The following FRS2 variants were observed in gnomAD, a reference collection of about 807,000 sequenced individuals.
FRS2 encodes FGFR signalling adaptor.
FRS2 carries 8 observed loss-of-function variants against 43.9 expected under a neutral mutation model. That is an observed-to-expected ratio of 0.18 (90% CI 0.11 to 0.33). The LOEUF (loss-of-function observed/expected upper bound fraction) is 0.33, where lower values mean the gene tolerates loss of function less well. FRS2 is among the 10% of genes least tolerant of loss of function. The pLI is 1.00. For missense variants in FRS2, 534 were observed against 627.6 expected, an observed-to-expected ratio of 0.85 and a Z score of 1.59; for synonymous variants, 219 against 220.3, an observed-to-expected ratio of 0.99 and a Z score of 0.05.
chr12:69,480,255 T>G (rs76562878), intron 1 of FRS2: 108 of 152,340 alleles, frequency 7.1e-4, no homozygotes, highest in African/African-American at 2.5e-3. Flanking sequence ...GAACCAAAAC[T>G]TGTACCCATT....
chr12:69,552,105 A>C (rs1878926518), intron 3 of FRS2, among the ~76,000 whole-genome samples: 1 of 151,956 alleles, frequency 6.6e-6, no homozygotes, highest in African/African-American at 2.4e-5. Context: ...CAGGAGTTCG[A>C]GACCAGCCTC....
intron 1 of FRS2, among the ~76,000 whole-genome samples, chr12:69,524,828 A>G (rs1876040112): frequency 6.6e-6 from 1 of 152,146 alleles, no homozygotes; most frequent in Admixed American, 6.5e-5. Flanking sequence ...ATGGTGGCAG[A>G]GGGGTCTCTT....
intron 1 of FRS2, among the ~76,000 whole-genome samples, chr12:69,503,090 G>A (rs902382513): frequency 3.3e-5 from 5 of 152,122 alleles, no homozygotes; most frequent in African/African-American, 1.2e-4. Context: ...TATAGGCTCT[G>A]GCAAAGAATC....
At chr12:69,470,819 C>T (rs1247688996) in intron 1 of FRS2, among the ~76,000 whole-genome samples, 1 of 152,098 alleles carries the variant, frequency 6.6e-6, no homozygotes, top group Non-Finnish European at 1.5e-5. Flanking sequence ...CGTCCGACCC[C>T]CCTCATGTGT....
Position 69,575,633 on chromosome 12 carries a change from T to C in FRS2, c.*678T>C, listed in dbSNP as rs1881143520. The C allele has an allele frequency of 6.6e-6, 1 of 152,614 alleles. No individual in the cohort carries two copies. Among genetic ancestry groups the C allele is most frequent in the Non-Finnish European group, 1.5e-5 (1 of 68,042 alleles). The allele number at this position is 152,614 out of a possible 1,614,324, so 9.5% of individuals were successfully genotyped here. A position where few individuals can be genotyped will look rare whatever the true frequency, so the allele number is the denominator to read the frequency against. On this transcript the variant is annotated 3_prime_UTR_variant, in exon 9 of 9. Coordinates refer to ENST00000549921, the MANE Select transcript of FRS2 (RefSeq NM_001278356.2). Reference sequence around the variant, plus strand: ...CTCATGATGTCATTTGAAGGGCATGTCCAGATATCTTAAAATTATAATAGG... The same window carrying C: ...CTCATGATGTCATTTGAAGGGCATGCCCAGATATCTTAAAATTATAATAGG...
chr12:69,517,834 C>T (rs1480360492), intron 1 of FRS2, among the ~76,000 whole-genome samples: 4 of 152,096 alleles, frequency 2.6e-5, no homozygotes, highest in Non-Finnish European at 5.9e-5. Context: ...TTTCCTTGCT[C>T]ATAAGCTACT....
chr12:69,471,281 C>A (rs917305082), intron 1 of FRS2, among the ~76,000 whole-genome samples: 2 of 151,526 alleles, frequency 1.3e-5, no homozygotes, highest in Admixed American at 1.3e-4. Flanking sequence ...AAAAAAGATG[C>A]TTTTCTCTAA....
At chr12:69,556,008 C>CG (rs10666921) in intron 3 of FRS2, among the ~76,000 whole-genome samples, 11,656 of 122,730 alleles carry the variant, frequency 0.095, 864 homozygotes, top group Non-Finnish European at 0.14. Flanking sequence ...GTGTGTGTGG[C>CG]GGGGGGGGGG....
In FRS2 at chr12:69,579,069, G is replaced by T. The variant is rs990479416; in HGVS notation, c.*4114G>T. ...ATTAAAATAAAACCTTGTTGTATATGTAACAACATAATTTTCCCTCTATCC... is the reference window on the plus strand; with the variant it reads ...ATTAAAATAAAACCTTGTTGTATATTTAACAACATAATTTTCCCTCTATCC... On this transcript the variant is annotated 3_prime_UTR_variant, in exon 9 of 9. Transcript: ENST00000549921. 1 of 152,554 alleles carries T rather than the reference G, an allele frequency of 6.6e-6. No individual in the cohort carries two copies. The highest frequency in any genetic ancestry group is 1.9e-4 in the East Asian group (1 of 5,194). 9.5% of individuals were successfully genotyped at this position (152,554 alleles called of 1,614,324 possible).
rs576010544 is a variant in FRS2, at chr12:69,570,294, G to A, written c.67-37G>A. ...AACAATGCATTTTCCTGACGAATTGGTGACATATTTGCATGACTGTCACCT... is the reference window on the plus strand; with the variant it reads ...AACAATGCATTTTCCTGACGAATTGATGACATATTTGCATGACTGTCACCT... On this transcript the variant is annotated intron_variant, in intron 5 of 8. Transcript: ENST00000549921. 8 of 1,462,306 alleles carry A rather than the reference G, an allele frequency of 5.5e-6. No individual in the cohort carries two copies. The South Asian group carries it at 5.7e-5, about 10-fold the overall frequency. The allele number at this position is 1,462,306 out of a possible 1,614,324, so 90.6% of individuals were successfully genotyped here. A position where few individuals can be genotyped will look rare whatever the true frequency, so the allele number is the denominator to read the frequency against.
At chr12:69,565,972 A>T (rs549794525) in intron 4 of FRS2, among the ~76,000 whole-genome samples, 2 of 135,940 alleles carry the variant, frequency 1.5e-5, no homozygotes, top group South Asian at 2.7e-4. Flanking sequence ...ATACACTGGC[A>T]GTGCAGTAGG....
At chr12:69,530,363 G>A (rs1313602861) in intron 1 of FRS2, among the ~76,000 whole-genome samples, 1 of 151,584 alleles carries the variant, frequency 6.6e-6, no homozygotes. Flanking sequence ...TTCTGGTCCC[G>A]TGGTACAAAT....
intron 1 of FRS2, chr12:69,486,357 A>G (rs1871947531): frequency 6.6e-6 from 1 of 152,086 alleles, no homozygotes; most frequent in African/African-American, 2.4e-5. Context: ...GTGATCTTTG[A>G]TGTTACTATT....
intron 3 of FRS2, among the ~76,000 whole-genome samples, chr12:69,548,868 C>T (rs1327333378): frequency 6.6e-6 from 1 of 152,152 alleles, no homozygotes; most frequent in Non-Finnish European, 1.5e-5. Flanking sequence ...GGGGCCATTA[C>T]TAGAACCTCA....
intron 1 of FRS2, among the ~76,000 whole-genome samples, chr12:69,478,801 A>G (rs900420387): frequency 4.0e-5 from 6 of 151,414 alleles, no homozygotes; most frequent in Admixed American, 4.0e-4. Flanking sequence ...ATGACCAACC[A>G]CTTTAAAAAA....
intron 6 of FRS2, among the ~76,000 whole-genome samples, chr12:69,570,790 T>C (rs192826365): frequency 1.4e-4 from 21 of 152,362 alleles, no homozygotes; most frequent in Admixed American, 1.3e-3. Context: ...TTGATTTTTT[T>C]ACTACCTACT....
chr12:69,490,431 GT>G (rs5798936), intron 1 of FRS2, among the ~76,000 whole-genome samples: 78,140 of 133,204 alleles, frequency 0.59, 23,145 homozygotes, highest in African/African-American at 0.82. Flanking sequence ...AAATGTGTGG[GT>G]TTTTTTTTTT....
chr12:69,485,103 A>ACACACACACGCGCG (rs1555183215), intron 1 of FRS2, among the ~76,000 whole-genome samples: 1 of 145,760 alleles, frequency 6.9e-6, no homozygotes, highest in Admixed American at 6.8e-5. Context: ...ACACACACAC[A>ACACACACACGCGCG]CACACACACA....
At chr12:69,475,779 T>C (rs1870708806) in intron 1 of FRS2, among the ~76,000 whole-genome samples, 1 of 152,182 alleles carries the variant, frequency 6.6e-6, no homozygotes, top group Admixed American at 6.5e-5. Flanking sequence ...CACTTAAGCT[T>C]GTGGCTCCCG....
Sources: allele counts gnomAD v4.1 joint callset (sites outside exome capture counted in the v4.1 genomes callset), GRCh38; gene constraint gnomAD v4.1.1; transcripts MANE v1.5; gene names NCBI Gene and HGNC (gene_info 2026-07-23, HGNC 2026-07-21).